Variants in TPTE2 observed in about 807,000 individuals in gnomAD.
TPTE2 encodes the protein phosphatidylinositol 3,4,5-trisphosphate 3-phosphatase TPTE2.
TPTE2 carries 53 observed loss-of-function variants against 78.6 expected under a neutral mutation model. That is an observed-to-expected ratio of 0.67 (90% CI 0.54 to 0.85). The LOEUF (loss-of-function observed/expected upper bound fraction) is 0.85, where lower values mean the gene tolerates loss of function less well. Ranked by LOEUF, TPTE2 falls within the 40% of genes least tolerant of loss-of-function variation. TPTE2 has a pLI of 0.00. For synonymous variants in TPTE2, 175 were observed against 206.2 expected (o/e 0.85, Z 1.30); for missense variants, 461 against 623.0 (o/e 0.74, Z 2.77).
Position 19,500,567 on chromosome 13 carries a change from A to G in TPTE2, c.11+2657T>C, listed in dbSNP as rs534867773. Among the ~76,000 whole-genome samples, 3 of 152,298 alleles carry G rather than the reference A, an allele frequency of 2.0e-5. No individual in the cohort carries two copies. The South Asian group carries it at 6.2e-4, about 32-fold the overall frequency. ...ACAAAAACCACATGATTATCTCAAT[A>G]GATGCAGAAAAAGCCTTTGACAAAA... On this transcript the variant is annotated intron_variant, in intron 1 of 19. Transcript: ENST00000400230.
At position 19,432,470 on chromosome 13, in the gene TPTE2, T is replaced by C. The variant is rs535019874; in HGVS notation, c.1222+3A>G. On this transcript the variant is annotated splice_donor_region_variant and intron_variant, in intron 16 of 19. Coordinates refer to ENST00000400230, the Ensembl canonical transcript of TPTE2. ...ATTCTTCAATTACACATAAAGCACTTACCACGAATCGAATAAATAATGAAT... is the reference window on the plus strand; with the variant it reads ...ATTCTTCAATTACACATAAAGCACTCACCACGAATCGAATAAATAATGAAT... The C allele has an allele frequency of 4.0e-5, 62 of 1,562,634 alleles. No individual in the cohort carries two copies. In the African/African-American group the frequency reaches 6.5e-4, roughly 16 times the overall value.
chr13:19,501,006 A>C (rs1868496608), intron 1 of TPTE2, among the ~76,000 whole-genome samples: 1 of 119,004 alleles, frequency 8.4e-6, no homozygotes, highest in African/African-American at 3.3e-5. Flanking sequence ...ATACACCAAC[A>C]ACAGACAAAC....
In TPTE2 at chr13:19,535,666, T is replaced by A. The variant is rs1339065033; in HGVS notation, c.-44+930A>T. Among the ~76,000 whole-genome samples the A allele has an allele frequency of 3.5e-5, 2 of 57,010 alleles. No individual in the cohort carries two copies. The highest frequency in any genetic ancestry group is 1.1e-4 in the Non-Finnish European group (2 of 18,016). The allele number at this position is 57,010 out of a possible 152,430, so 37.4% of individuals were successfully genotyped here. A position where few individuals can be genotyped will look rare whatever the true frequency, so the allele number is the denominator to read the frequency against. On this transcript the variant is annotated intron_variant, in intron 1 of 17. Coordinates refer to the TPTE2 transcript ENST00000390680. The surrounding 1 kb of genome is among the most constrained non-coding windows in gnomAD (Gnocchi z 5.1). ...TATTTATTTTGAGACGGAGTCTCAC[T>A]CTGTCACCAGGCTGGAGTGCAATGG...
rs546930677 is a variant in TPTE2 at position 19,493,302 on chromosome 13, G to A, written c.65+146C>T. 96 of 741,466 alleles carry A rather than the reference G, an allele frequency of 1.3e-4. 1 individual carries two copies. The East Asian group carries it at 1.4e-3, about 11-fold the overall frequency. The allele number at this position is 741,466 out of a possible 1,614,324, so 45.9% of individuals were successfully genotyped here. A position where few individuals can be genotyped will look rare whatever the true frequency, so the allele number is the denominator to read the frequency against. On this transcript the variant is annotated intron_variant, in intron 2 of 19. Transcript: ENST00000400230. Reference sequence around the variant, plus strand: ...TGTGCATGGATTAGTTTGTGTACGCGTGTTGAAGAGAAGTGTGGATGGATG... The same window carrying A: ...TGTGCATGGATTAGTTTGTGTACGCATGTTGAAGAGAAGTGTGGATGGATG...
At position 19,473,042 on chromosome 13, in the gene TPTE2, T is replaced by C. The variant is rs183544542; in HGVS notation, c.392+872A>G. Among the ~76,000 whole-genome samples the C allele has an allele frequency of 2.9e-3, 443 of 152,172 alleles. 3 individuals carry two copies. The highest frequency in any genetic ancestry group is 9.7e-3 in the African/African-American group (403 of 41,442). On this transcript the variant is annotated intron_variant, in intron 6 of 19. Transcript: ENST00000400230. ...GAGACTCTTGTTTTCTTCCCTTACA[T>C]TCTCCCAAACAAAGAGTCTCTCTCT... is the stretch of plus-strand genomic sequence containing the variant.
the TPTE2 span, among the ~76,000 whole-genome samples, chr13:19,544,367 A>C: frequency 1.3e-5 from 2 of 152,186 alleles, no homozygotes; most frequent in African/African-American, 4.8e-5. Context: ...TTTAACTTAG[A>C]ATGCTCCAGG....
intron 10 of TPTE2, among the ~76,000 whole-genome samples, chr13:19,460,475 G>A (rs141857632): frequency 0.025 from 3,736 of 152,242 alleles, 116 homozygotes; most frequent in African/African-American, 0.072. Context: ...TTGTGAGCGC[G>A]GCAGACTGCA....
At chr13:19,538,456 G>A (rs569733959), upstream of TPTE2, among the ~76,000 whole-genome samples, 1 of 152,068 alleles carries the variant, frequency 6.6e-6, no homozygotes, top group African/African-American at 2.4e-5. Flanking sequence ...TCCTGACCTC[G>A]TGATGTGCCT....
chr13:19,553,709 T>A, the TPTE2 span, among the ~76,000 whole-genome samples: 5,725 of 152,278 alleles, frequency 0.038, 383 homozygotes, highest in African/African-American at 0.13. Flanking sequence ...GTACATACTG[T>A]GTGATTTCAG....
the TPTE2 span, among the ~76,000 whole-genome samples, chr13:19,559,774 C>T: frequency 4.3e-5 from 5 of 116,858 alleles, no homozygotes; most frequent in South Asian, 3.4e-4. Context: ...TCTTGGGGCA[C>T]GCTATGGCTT....
At chr13:19,551,390 G>A in the TPTE2 span, among the ~76,000 whole-genome samples, 1 of 152,102 alleles carries the variant, frequency 6.6e-6, no homozygotes, top group Non-Finnish European at 1.5e-5. Context: ...AGGAGTTTGA[G>A]ACCAGCCTGG....
chr13:19,449,109 TG>T (rs1359255565), intron 13 of TPTE2, among the ~76,000 whole-genome samples: 1 of 152,140 alleles, frequency 6.6e-6, no homozygotes, highest in Non-Finnish European at 1.5e-5. Context: ...GAGAGTAGAA[TG>T]GTGGTTACCG....
At chr13:19,436,736 G>T (rs890623428) in intron 14 of TPTE2, among the ~76,000 whole-genome samples, 8 of 152,092 alleles carry the variant, frequency 5.3e-5, no homozygotes, top group Non-Finnish European at 8.8e-5. Flanking sequence ...TTGGGCAGAG[G>T]CTACCAAAAA....
chr13:19,489,966 T>G (rs948969809), intron 3 of TPTE2, among the ~76,000 whole-genome samples: 3 of 152,110 alleles, frequency 2.0e-5, no homozygotes, highest in African/African-American at 7.2e-5. Flanking sequence ...ACTTTTCTGG[T>G]TGAAGTTATG....
upstream of TPTE2, among the ~76,000 whole-genome samples, chr13:19,507,304 TAAAAAAA>T (rs370011146): frequency 1.8e-5 from 2 of 112,196 alleles, no homozygotes; most frequent in Non-Finnish European, 3.5e-5. Context: ...CTAGCTGTTC[TAAAAAAA>T]AAAAAAAAAA....
intron 3 of TPTE2, among the ~76,000 whole-genome samples, chr13:19,490,083 T>C (rs1880913687): frequency 6.6e-6 from 1 of 152,190 alleles, no homozygotes; most frequent in South Asian, 2.1e-4. Context: ...AAAGCTTATA[T>C]TATGTAAAGG....
rs545762843 is a variant in TPTE2, at chr13:19,436,391, C to G, written c.1036-85G>C. The stretch of plus-strand genomic sequence containing the variant: ...GGTACCCTTAGTGTTTCTATGCCCA[C>G]CTTCTTTCCTAAAGTCAGTGATTTT... On this transcript the variant is annotated intron_variant, in intron 14 of 19. Transcript: ENST00000400230. 34 of 1,232,116 alleles carry G rather than the reference C, an allele frequency of 2.8e-5. No individual in the cohort carries two copies. The South Asian group carries it at 4.0e-4, about 14-fold the overall frequency. 76.3% of individuals were successfully genotyped at this position (1,232,116 alleles called of 1,614,324 possible).
chr13:19,522,116 T>C (rs1237101314), intron 1 of TPTE2, among the ~76,000 whole-genome samples: 4 of 152,224 alleles, frequency 2.6e-5, no homozygotes, highest in Admixed American at 1.3e-4. Flanking sequence ...TTGCTACATA[T>C]AGAATTCTTG....
At chr13:19,520,993 G>A (rs1349503088) in intron 1 of TPTE2, among the ~76,000 whole-genome samples, 2 of 152,004 alleles carry the variant, frequency 1.3e-5, no homozygotes, top group Non-Finnish European at 2.9e-5. Flanking sequence ...TTTATTGAGA[G>A]TTGTTTTATT....
Sources: allele counts gnomAD v4.1 joint callset (sites outside exome capture counted in the v4.1 genomes callset), GRCh38; gene constraint gnomAD v4.1.1; non-coding constraint Gnocchi (gnomAD v3.1); transcripts MANE v1.5; gene names NCBI Gene and HGNC (gene_info 2026-07-23, HGNC 2026-07-21).